Variants in ZNF594 observed in about 807,000 individuals in gnomAD.
ZNF594 encodes the protein zinc finger protein HZF18.
For synonymous variants in ZNF594, 336 were observed against 309.4 expected (o/e 1.09, Z -0.90); for missense variants, 1,037 against 964.6 (o/e 1.08, Z -0.99).
intron 1 of ZNF594, among the ~76,000 whole-genome samples, chr17:5,186,913 T>C (rs1279788290): frequency 3.3e-5 from 5 of 152,224 alleles, no homozygotes; most frequent in Non-Finnish European, 5.9e-5. Flanking sequence ...TTATTGTCCA[T>C]AATGCTGTCA....
intron 1 of ZNF594, among the ~76,000 whole-genome samples, chr17:5,189,015 G>A (rs2074404875): frequency 6.6e-6 from 1 of 151,480 alleles, no homozygotes; most frequent in South Asian, 2.1e-4. Context: ...CCAAAGTGCT[G>A]GGATTACAGG....
At position 5,183,589 on chromosome 17, in the gene ZNF594, C is replaced by T. The variant is rs1330337001; in HGVS notation, c.668G>A (p.Ser223Asn). ...TCTCTGGTGCAGGACAAGGTTTGAGCTTCCCTTAAAAGCCTTCCCACACTC... is the reference window on the plus strand; with the variant it reads ...TCTCTGGTGCAGGACAAGGTTTGAGTTTCCCTTAAAAGCCTTCCCACACTC... ...CKECGKAFKG[S>N]SNLVLHQRIH... The change falls in exon 2 of 2, where the codon AGC becomes AAC. Residue 223 changes from serine (S) to asparagine (N), a missense_variant. By Grantham distance (46) the Ser-to-Asn change is conservative. Transcript: ENST00000575779. 6 of 1,614,196 alleles carry T rather than the reference C, an allele frequency of 3.7e-6. No homozygotes were observed. The highest frequency in any genetic ancestry group is 3.4e-6 in the Non-Finnish European group (4 of 1,180,032).
At chr17:5,187,762 T>C (rs762838449) in intron 1 of ZNF594, among the ~76,000 whole-genome samples, 1 of 152,166 alleles carries the variant, frequency 6.6e-6, no homozygotes, top group Non-Finnish European at 1.5e-5. Flanking sequence ...ATAAAACATT[T>C]AGAACAGTGC....
At chr17:5,178,953 A>T (rs576768425), downstream of ZNF594, among the ~76,000 whole-genome samples, 54 of 152,246 alleles carry the variant, frequency 3.5e-4, no homozygotes, top group African/African-American at 1.3e-3. Context: ...CCCAACAGAA[A>T]AGCCAGCACT....
At position 5,181,047 on chromosome 17, in the gene ZNF594, C is replaced by T. The variant is rs759447405; in HGVS notation, c.*786G>A. ...TGTCCACCCACTGAAGGCCTTACCA[C>T]AGTTGCTACATTCAAAGGGTTTCTC... On this transcript the variant is annotated 3_prime_UTR_variant, in exon 2 of 2. Coordinates refer to ENST00000575779, the MANE Select transcript of ZNF594 (RefSeq NM_032530.2). 8.8e-7 allele frequency: 1 copy of T among 1,135,648 alleles called. No homozygotes were observed. The highest frequency in any genetic ancestry group is 2.4e-5 in the East Asian group (1 of 42,254). The allele number at this position is 1,135,648 out of a possible 1,614,324, so 70.3% of individuals were successfully genotyped here.
chr17:5,175,148 G>T (rs2074296281), downstream of ZNF594: 1 of 162,948 alleles, frequency 6.1e-6, no homozygotes, highest in African/African-American at 2.4e-5. Flanking sequence ...TGTAGAGCAG[G>T]ATTCCCCAAC....
Position 5,184,071 on chromosome 17 carries a change from T to C in ZNF594, c.186A>G (p.Gln62=), listed in dbSNP as rs2144250482. 1 of 1,614,200 alleles carries C rather than the reference T, an allele frequency of 6.2e-7. No homozygotes were observed. Among genetic ancestry groups the C allele is most frequent in the East Asian group, 2.2e-5 (1 of 44,870 alleles). Residue 62 remains glutamine (Q), a synonymous_variant, in exon 2 of 2, where the codon CAA becomes CAG. Transcript: ENST00000575779. The part of the protein sequence containing the change: ...LKDAMRHLPS[Q]ESGIREMHII... ...TATGCATTTCCCTGATACCGCTCTC[T>C]TGGGAAGGGAGATGTCTCATTGCAT...
chr17:5,181,910 G>A lies in ZNF594; in HGVS notation c.2347C>T (p.His783Tyr). The change falls in exon 2 of 2, where the codon CAT becomes TAT. Residue 783 changes from histidine to tyrosine, a missense_variant. His to Tyr is a moderately conservative substitution (Grantham distance 83). Coordinates refer to ENST00000575779, the MANE Select transcript of ZNF594 (RefSeq NM_032530.2). ...SSDLIRHQVT[H>Y]TREKPYECKE... ...CATTCATATGGTTTCTCTCTTGTAT[G>A]AGTTACCTGATGTCTGATGAGATCT... 6.2e-7 allele frequency: 1 copy of A among 1,614,028 alleles called. No homozygotes were observed. Among genetic ancestry groups the A allele is most frequent in the Non-Finnish European group, 8.5e-7 (1 of 1,179,992 alleles).
At position 5,181,102 on chromosome 17, in the gene ZNF594, G is replaced by T; in HGVS notation, c.*731C>A. 6.7e-7 allele frequency: 1 copy of T among 1,486,146 alleles called. No individual in the cohort carries two copies. Among genetic ancestry groups the T allele is most frequent in the Non-Finnish European group, 9.3e-7 (1 of 1,070,482 alleles). The allele number at this position is 1,486,146 out of a possible 1,614,324, so 92.1% of individuals were successfully genotyped here. ...GTATGAATTCTTTGATGACTGACAA[G>T]GTGTGAGTTCTGACTGAAGGCCTTC... On this transcript the variant is annotated 3_prime_UTR_variant, in exon 2 of 2. Transcript: ENST00000575779.
In ZNF594 at chr17:5,182,491, G is replaced by A. The variant is rs1277984767; in HGVS notation, c.1766C>T (p.Thr589Ile). The A allele has an allele frequency of 1.2e-6, 2 of 1,613,940 alleles. No individual in the cohort carries two copies. Among genetic ancestry groups the A allele is most frequent in the East Asian group, 2.2e-5 (1 of 44,840 alleles). The change falls in exon 2 of 2, where the codon ACT becomes ATT. Residue 589 changes from threonine (T) to isoleucine (I), a missense_variant. Thr to Ile is a moderately conservative substitution (Grantham distance 89, BLOSUM62 -1). Transcript: ENST00000575779. ...GSSDLIRHQVTHTREKPYECK... is the reference protein window; with the variant it reads ...GSSDLIRHQVIHTREKPYECK... ...TTCATATGGTTTCTCTCTTGTATGA[G>A]TTACCTGATGTCTGATGAGGTCTGA...
chr17:5,189,086 C>G (rs972395314), intron 1 of ZNF594, among the ~76,000 whole-genome samples: 14 of 147,292 alleles, frequency 9.5e-5, no homozygotes, highest in African/African-American at 3.0e-4. Flanking sequence ...AATATTGAGT[C>G]ATGTAGCCAA....
chr17:5,183,595 T>C lies in ZNF594; in HGVS notation c.662A>G (p.Lys221Arg). Residue 221 changes from lysine (K) to arginine (R), a missense_variant, in exon 2 of 2, where the codon AAG (lysine) becomes AGG (arginine). By Grantham distance (26) the Lys-to-Arg change is conservative (BLOSUM62 2). Transcript: ENST00000575779. ...GTGCAGGACAAGGTTTGAGCTTCCC[T>C]TAAAAGCCTTCCCACACTCTTTGCA... is the stretch of plus-strand genomic sequence containing the variant. Reference protein sequence around the residue: ...YECKECGKAFKGSSNLVLHQR... With the variant: ...YECKECGKAFRGSSNLVLHQR... 6.2e-7 allele frequency: 1 copy of C among 1,614,154 alleles called. No individual in the cohort carries two copies. The highest frequency in any genetic ancestry group is 1.3e-5 in the African/African-American group (1 of 75,036).
At position 5,183,992 on chromosome 17, in the gene ZNF594, C is replaced by G; in HGVS notation, c.265G>C (p.Glu89Gln). The change falls in exon 2 of 2, where the codon GAA becomes CAA. Residue 89 changes from glutamate to glutamine, a missense_variant. Transcript: ENST00000575779. ...CTTTCTCCTGCAGAAAGTATTTTTT[C>G]TCCTTCATTACATCCATGGCCAATC... ...GEIGHGCNEG[E>Q]KILSAGESSH... 2 of 1,614,146 alleles carry G rather than the reference C, an allele frequency of 1.2e-6. No individual in the cohort carries two copies. Among genetic ancestry groups the G allele is most frequent in the Non-Finnish European group, 1.7e-6 (2 of 1,180,036 alleles).
rs1460329586 is a variant in ZNF594, at chr17:5,188,210, A to T, written c.-21+3538T>A. Among the ~76,000 whole-genome samples, 5 of 146,752 alleles carry T rather than the reference A, an allele frequency of 3.4e-5. No homozygotes were observed. The South Asian group carries it at 6.4e-4, about 19-fold the overall frequency. ...GATATACATATATATATAGAGAGAG[A>T]GAGTTCAAAATTCAGGAGCAGATTA... On this transcript the variant is annotated intron_variant, in intron 1 of 1. Transcript: ENST00000575779.
intron 1 of ZNF594, among the ~76,000 whole-genome samples, chr17:5,189,407 A>G (rs893150053): frequency 6.6e-6 from 1 of 151,648 alleles, no homozygotes; most frequent in Admixed American, 6.6e-5. Context: ...TGCAGCACAC[A>G]TGGCTAAGTT....
chr17:5,184,404 CTTTCACT>C, intron 1 of ZNF594, 128 bp from the exon 2 acceptor site: 6 of 943,584 alleles, frequency 6.4e-6, no homozygotes, highest in Non-Finnish European at 9.2e-6. Context: ...TGAGATGTGG[CTTTCACT>C]AGCGACACTG....
In ZNF594 at chr17:5,180,518, C is replaced by G. The variant is rs1208808233; in HGVS notation, c.*1315G>C. Reference sequence around the variant, plus strand: ...TAATGATTTTAATAATGATAGACATCCCTTAAAACATTCTCAAGTAATTAG... The same window carrying G: ...TAATGATTTTAATAATGATAGACATGCCTTAAAACATTCTCAAGTAATTAG... On this transcript the variant is annotated 3_prime_UTR_variant, in exon 2 of 2. Coordinates refer to ENST00000575779, the MANE Select transcript of ZNF594 (RefSeq NM_032530.2). 3 of 155,370 alleles carry G rather than the reference C, an allele frequency of 1.9e-5. No individual in the cohort carries two copies. The highest frequency in any genetic ancestry group is 7.2e-5 in the African/African-American group (3 of 41,380). The allele number at this position is 155,370 out of a possible 1,614,324, so 9.6% of individuals were successfully genotyped here. A position where few individuals can be genotyped will look rare whatever the true frequency, so the allele number is the denominator to read the frequency against.
chr17:5,184,366 A>G, intron 1 of ZNF594, 90 bp from the exon 2 acceptor site: 1 of 1,278,582 alleles, frequency 7.8e-7, no homozygotes. Context: ...AGGAACAAAG[A>G]ACTCAGAAGA....
At chr17:5,175,483 G>A (rs1176503123), downstream of ZNF594, among the ~76,000 whole-genome samples, 1 of 152,082 alleles carries the variant, frequency 6.6e-6, no homozygotes, top group African/African-American at 2.4e-5. Context: ...CATCCCTGGT[G>A]CCAAAAAGGT....
Sources: allele counts gnomAD v4.1 joint callset (sites outside exome capture counted in the v4.1 genomes callset), GRCh38; gene constraint gnomAD v4.1.1; transcripts MANE v1.5; gene names NCBI Gene and HGNC (gene_info 2026-07-23, HGNC 2026-07-21).